The following ATP8A2 variants were observed in gnomAD, a reference collection of about 807,000 sequenced individuals.
ATP8A2 encodes the protein phospholipid-transporting ATPase IB.
ATP8A2 carries 100 observed loss-of-function variants against 165.6 expected under a neutral mutation model. The ratio of observed to expected loss-of-function variants is 0.60; its 90% CI spans 0.51 to 0.71. The LOEUF is 0.71. Among genes scored for constraint, ATP8A2 ranks in the 30% least tolerant of loss-of-function variants. The pLI is 0.00. For synonymous variants in ATP8A2, 543 were observed against 548.8 expected (o/e 0.99, Z 0.15); for missense variants, 1,227 against 1,479.5 (o/e 0.83, Z 2.80).
At chr13:25,882,915 TGA>T (rs1241356531) in intron 33 of ATP8A2, among the ~76,000 whole-genome samples, 1 of 151,334 alleles carries the variant, frequency 6.6e-6, no homozygotes, top group Non-Finnish European at 1.5e-5. Flanking sequence ...ATGATGATGA[TGA>T]TGATGATGAT....
chr13:25,992,865 A>G, intron 35 of ATP8A2, among the ~76,000 whole-genome samples: 1 of 145,948 alleles, frequency 6.9e-6, no homozygotes, highest in African/African-American at 2.5e-5. Context: ...CAGTCCCCAG[A>G]GTGTGATATT....
intron 33 of ATP8A2, among the ~76,000 whole-genome samples, chr13:25,943,254 G>A (rs1339591059): frequency 6.6e-6 from 1 of 152,158 alleles, no homozygotes; most frequent in Non-Finnish European, 1.5e-5. Flanking sequence ...CTGCTATGCT[G>A]TCAACTGGAG....
intron 30 of ATP8A2, among the ~76,000 whole-genome samples, chr13:25,846,732 A>T (rs938220791): frequency 2.0e-5 from 3 of 152,164 alleles, no homozygotes; most frequent in Non-Finnish European, 2.9e-5. Flanking sequence ...TAATGATTGG[A>T]GTCCTGTTCC....
chr13:25,437,584 A>G (rs1327387079), intron 1 of ATP8A2, among the ~76,000 whole-genome samples: 1 of 152,246 alleles, frequency 6.6e-6, no homozygotes, highest in Non-Finnish European at 1.5e-5. Context: ...AATAAAATCA[A>G]TACGACTATT....
At chr13:25,837,426 CACACA>C (rs1452728088) in intron 29 of ATP8A2, 141 bp downstream of exon 29, 49 of 11,106 alleles carry the variant, frequency 4.4e-3, no homozygotes, top group East Asian at 0.029. Context: ...CCCACCACCA[CACACA>C]CACACACACA....
intron 24 of ATP8A2, among the ~76,000 whole-genome samples, chr13:25,648,664 A>G (rs2041737219): frequency 6.6e-6 from 1 of 152,208 alleles, no homozygotes; most frequent in African/African-American, 2.4e-5. Flanking sequence ...TTCCATCTCA[A>G]AACCAAAACA....
At chr13:25,961,356 C>T (rs771724260) in intron 33 of ATP8A2, among the ~76,000 whole-genome samples, 6 of 152,148 alleles carry the variant, frequency 3.9e-5, no homozygotes, top group African/African-American at 1.4e-4. Flanking sequence ...CAAGGGCACA[C>T]GTCAAACTAG....
At chr13:25,860,421 A>G (rs974368270) in intron 31 of ATP8A2, among the ~76,000 whole-genome samples, 165 bp downstream of exon 31, 1 of 152,158 alleles carries the variant, frequency 6.6e-6, no homozygotes. Context: ...AAATGCTTAC[A>G]TCATCGTTTC....
At chr13:25,542,760 A>T (rs2038523189) in intron 9 of ATP8A2, among the ~76,000 whole-genome samples, 1 of 152,136 alleles carries the variant, frequency 6.6e-6, no homozygotes, top group Admixed American at 6.6e-5. Flanking sequence ...TTCATTTAGC[A>T]TACATAGCTA....
At chr13:25,828,232 T>G (rs1006304400) in intron 28 of ATP8A2, 40 bp downstream of exon 28, 1 of 1,483,088 alleles carries the variant, frequency 6.7e-7, no homozygotes, top group African/African-American at 1.4e-5. Flanking sequence ...ATGCAGAACT[T>G]AGAACTTCAG....
At chr13:25,440,351 T>C (rs1425411973) in intron 1 of ATP8A2, among the ~76,000 whole-genome samples, 1 of 152,160 alleles carries the variant, frequency 6.6e-6, no homozygotes, top group Admixed American at 6.5e-5. Flanking sequence ...GCTAATTTGG[T>C]AGGTGAAAGT....
intron 1 of ATP8A2, among the ~76,000 whole-genome samples, chr13:25,428,320 T>C (rs2034508978): frequency 6.6e-6 from 1 of 152,232 alleles, no homozygotes. Flanking sequence ...TTCTGCACAC[T>C]TGGTGCCACC....
intron 24 of ATP8A2, among the ~76,000 whole-genome samples, chr13:25,669,816 C>A (rs1294903016): frequency 6.6e-6 from 1 of 152,204 alleles, no homozygotes; most frequent in African/African-American, 2.4e-5. Flanking sequence ...GATGCCACTG[C>A]TGCCTGAAAT....
intron 30 of ATP8A2, among the ~76,000 whole-genome samples, chr13:25,855,252 A>G (rs1952126400): frequency 7.1e-6 from 1 of 141,750 alleles, no homozygotes; most frequent in African/African-American, 2.8e-5. Flanking sequence ...CTCCATCTCA[A>G]AAAAAAAAAA....
chr13:25,724,644 C>T (rs1388170743), intron 25 of ATP8A2, among the ~76,000 whole-genome samples: 1 of 152,214 alleles, frequency 6.6e-6, no homozygotes, highest in East Asian at 1.9e-4. Flanking sequence ...CTTCTTTGGG[C>T]TCCACAGCAC....
chr13:25,716,737 C>T (rs1199303210), intron 25 of ATP8A2, among the ~76,000 whole-genome samples: 2 of 152,080 alleles, frequency 1.3e-5, no homozygotes, highest in African/African-American at 2.4e-5. Flanking sequence ...TTGTTCCAGG[C>T]ACTGGAACTA....
chr13:25,457,770 T>C (rs2035401887), intron 1 of ATP8A2, among the ~76,000 whole-genome samples: 1 of 152,238 alleles, frequency 6.6e-6, no homozygotes, highest in African/African-American at 2.4e-5. Flanking sequence ...GATTTTCTCA[T>C]ATTTTAAACT....
chr13:25,744,346 C>T (rs1358914545), intron 25 of ATP8A2, among the ~76,000 whole-genome samples: 1 of 150,550 alleles, frequency 6.6e-6, no homozygotes, highest in Non-Finnish European at 1.5e-5. Flanking sequence ...TGTATGTGCG[C>T]CCTTCTCTGT....
chr13:25,576,983 C>A, intron 19 of ATP8A2, 86 bp from the exon 20 acceptor site: 2 of 1,044,790 alleles, frequency 1.9e-6, no homozygotes, highest in Non-Finnish European at 1.5e-6. Flanking sequence ...AACCCCAGAC[C>A]CCCTTTTGTT....
Sources: gnomAD v4.1 joint callset for allele counts (sites outside exome capture counted in the v4.1 genomes callset) on GRCh38, gnomAD v4.1.1 for gene constraint, MANE v1.5 for transcripts, NCBI Gene and HGNC (gene_info 2026-07-23, HGNC 2026-07-21) for gene names.